The following CTNNA2 variants were observed in gnomAD, a reference collection of about 807,000 sequenced individuals.
The protein encoded by CTNNA2 is catenin alpha-2.
Under a neutral mutation model 101.0 loss-of-function variants are expected in CTNNA2, and 42 were observed. The ratio of observed to expected loss-of-function variants is 0.42; its 90% CI spans 0.32 to 0.54. CTNNA2 has a LOEUF of 0.54. Among genes scored for constraint, CTNNA2 ranks in the 20% least tolerant of loss-of-function variants. The pLI, the probability that CTNNA2 is intolerant of heterozygous loss-of-function variation, is 0.14. For missense variants in CTNNA2, 871 were observed against 1,223.1 expected, an observed-to-expected ratio of 0.71 and a Z score of 4.29; for synonymous variants, 450 against 456.4, an observed-to-expected ratio of 0.99 and a Z score of 0.18.
intron 2 of CTNNA2, among the ~76,000 whole-genome samples, chr2:79,702,715 T>C (rs1202557761): frequency 6.6e-6 from 1 of 152,202 alleles, no homozygotes; most frequent in African/African-American, 2.4e-5. Flanking sequence ...AGACTGTTTC[T>C]GGAGTTTTCT....
intron 7 of CTNNA2, among the ~76,000 whole-genome samples, chr2:80,349,579 T>A (rs961132881): frequency 1.3e-5 from 2 of 151,836 alleles, no homozygotes; most frequent in Non-Finnish European, 2.9e-5. Context: ...GTTTTCCAGG[T>A]CTCCCCTCAG....
At chr2:80,475,039 T>C (rs1285987668) in intron 9 of CTNNA2, among the ~76,000 whole-genome samples, 1 of 152,164 alleles carries the variant, frequency 6.6e-6, no homozygotes, top group Non-Finnish European at 1.5e-5. Context: ...AGTTGGGTGA[T>C]TTTTACTCAA....
At chr2:79,631,202 T>TGTG (rs1679669897) in intron 1 of CTNNA2, among the ~76,000 whole-genome samples, 1 of 152,238 alleles carries the variant, frequency 6.6e-6, no homozygotes, top group Non-Finnish European at 1.5e-5. Flanking sequence ...GAACGCCTTA[T>TGTG]GTGGTAACTC....
intron 11 of CTNNA2, among the ~76,000 whole-genome samples, chr2:80,555,336 A>AG (rs1042983634): frequency 2.6e-4 from 40 of 152,306 alleles, no homozygotes; most frequent in African/African-American, 9.4e-4. Context: ...AAACAAAGGA[A>AG]GGGATATTCT....
At chr2:79,810,754 A>C (rs1422466233) in intron 3 of CTNNA2, among the ~76,000 whole-genome samples, 2 of 149,520 alleles carry the variant, frequency 1.3e-5, no homozygotes, top group Non-Finnish European at 3.0e-5. Context: ...TTCAATTCCC[A>C]CCTATGAGTG....
At chr2:79,717,756 G>A (rs1250117517) in intron 2 of CTNNA2, among the ~76,000 whole-genome samples, 1 of 152,194 alleles carries the variant, frequency 6.6e-6, no homozygotes, top group Non-Finnish European at 1.5e-5. Flanking sequence ...GATAAGGTGG[G>A]TATCTAGGGA....
At chr2:80,559,878 T>TATCTATCTATCTATATATATATATATATA (rs1693393440) in intron 12 of CTNNA2, among the ~76,000 whole-genome samples, 1 of 113,934 alleles carries the variant, frequency 8.8e-6, no homozygotes, top group African/African-American at 3.0e-5. Flanking sequence ...GATATCATAT[T>TATCTATCTATCTATATATATATATATATA]TATATATATA....
chr2:79,605,754 A>G lies in CTNNA2; in HGVS notation c.-5-45798A>G, dbSNP rs143316861. 7.2e-4 allele frequency among the ~76,000 whole-genome samples: 109 copies of G among 151,826 alleles called. 2 individuals are homozygous for G. The East Asian group carries it at 0.02, about 28-fold the overall frequency. On this transcript the variant is annotated intron_variant, in intron 1 of 18. Coordinates refer to ENST00000402739, the MANE Select transcript of CTNNA2 (RefSeq NM_001282597.3). ...CACCATCTCTACAAATAATGATGAT[A>G]ATAATAATAATAATAAACTAGCTGT...
At chr2:80,008,987 G>C (rs1327843296) in intron 7 of CTNNA2, among the ~76,000 whole-genome samples, 1 of 152,148 alleles carries the variant, frequency 6.6e-6, no homozygotes, top group Admixed American at 6.6e-5. Flanking sequence ...AGAGGAAGCT[G>C]GTTCTGTTTA....
intron 4 of CTNNA2, among the ~76,000 whole-genome samples, chr2:79,450,306 A>T (rs1314539036): frequency 1.3e-5 from 2 of 152,030 alleles, no homozygotes; most frequent in African/African-American, 4.8e-5. Flanking sequence ...GCTACGGTCC[A>T]CTGGTATGTG....
At chr2:80,096,469 A>G (rs1057320799) in intron 7 of CTNNA2, among the ~76,000 whole-genome samples, 1 of 152,204 alleles carries the variant, frequency 6.6e-6, no homozygotes, top group South Asian at 2.1e-4. Context: ...GCTGAAAAGA[A>G]TATATATTCT....
intron 6 of CTNNA2, among the ~76,000 whole-genome samples, chr2:79,879,222 T>C (rs1042562163): frequency 4.6e-5 from 7 of 152,198 alleles, no homozygotes; most frequent in Non-Finnish European, 1.0e-4. Context: ...ACTGTAGCCT[T>C]GTAGTTTAGT....
At chr2:79,368,502 T>G (rs1372122342) in intron 3 of CTNNA2, among the ~76,000 whole-genome samples, 1 of 152,180 alleles carries the variant, frequency 6.6e-6, no homozygotes, top group Non-Finnish European at 1.5e-5. Context: ...TTGTGCGGAT[T>G]TCCTCTTTTT....
intron 4 of CTNNA2, among the ~76,000 whole-genome samples, chr2:79,460,258 A>G (rs1670864951): frequency 6.6e-6 from 1 of 152,190 alleles, no homozygotes; most frequent in African/African-American, 2.4e-5. Flanking sequence ...ACACATATAC[A>G]CCATGAAATA....
chr2:80,189,153 C>T (rs923566586), intron 7 of CTNNA2, among the ~76,000 whole-genome samples: 1 of 151,960 alleles, frequency 6.6e-6, no homozygotes, highest in African/African-American at 2.4e-5. Context: ...GAGGTTTCAC[C>T]ATGTTGGCCT....
chr2:80,034,344 AT>A (rs200394714), intron 7 of CTNNA2, among the ~76,000 whole-genome samples: 13 of 84,646 alleles, frequency 1.5e-4, no homozygotes, highest in South Asian at 9.4e-4. Flanking sequence ...GCTGAATTTC[AT>A]TTTTTTTTCT....
intron 7 of CTNNA2, among the ~76,000 whole-genome samples, chr2:80,135,001 G>T (rs540831645): frequency 6.6e-6 from 1 of 152,210 alleles, no homozygotes; most frequent in Admixed American, 6.5e-5. Flanking sequence ...GATGCCAGGT[G>T]CAGTATTCCA....
chr2:80,395,650 A>G (rs1215829302), intron 8 of CTNNA2, among the ~76,000 whole-genome samples: 1 of 152,208 alleles, frequency 6.6e-6, no homozygotes, highest in Non-Finnish European at 1.5e-5. Context: ...ACAAGGTGTT[A>G]CCTGGGTCTC....
At position 79,689,054 on chromosome 2, in the gene CTNNA2, G is replaced by A. The variant is rs553073650; in HGVS notation, c.102+37396G>A. On this transcript the variant is annotated intron_variant, in intron 2 of 18. Coordinates refer to ENST00000402739, the MANE Select transcript of CTNNA2 (RefSeq NM_001282597.3). ...TGATGCTGGCTGTCAGCTGGGATCCGTCTTCCCAAACACAACTGAAGACAT... is the reference window on the plus strand; with the variant it reads ...TGATGCTGGCTGTCAGCTGGGATCCATCTTCCCAAACACAACTGAAGACAT... 9.0e-4 allele frequency among the ~76,000 whole-genome samples: 136 copies of A among 151,484 alleles called. 2 individuals are homozygous for A. In the South Asian group the frequency reaches 0.027, roughly 30 times the overall value.
Sources: gnomAD v4.1 joint callset for allele counts (sites outside exome capture counted in the v4.1 genomes callset) on GRCh38, gnomAD v4.1.1 for gene constraint, MANE v1.5 for transcripts, NCBI Gene and HGNC (gene_info 2026-07-23, HGNC 2026-07-21) for gene names.